Variants in C1QTNF3 observed in about 807,000 individuals in gnomAD.
The protein encoded by C1QTNF3 is C1q and TNF related 3.
In C1QTNF3, 26 loss-of-function variants were observed where a neutral mutation model predicts 32.6. The observed-to-expected ratio is 0.80, with a 90% CI of 0.58 to 1.11. The LOEUF is 1.11. Ranked by LOEUF, C1QTNF3 falls within the 50% of genes least tolerant of loss-of-function variation. The pLI, the probability that C1QTNF3 is intolerant of heterozygous loss-of-function variation, is 0.00. For synonymous variants in C1QTNF3, 155 were observed against 146.0 expected, an observed-to-expected ratio of 1.06 and a Z score of -0.44; for missense variants, 362 against 398.2, an observed-to-expected ratio of 0.91 and a Z score of 0.77.
At chr5:34,044,437 C>T (rs1451856161), upstream of C1QTNF3, among the ~76,000 whole-genome samples, 1 of 152,152 alleles carries the variant, frequency 6.6e-6, no homozygotes, top group African/African-American at 2.4e-5. Context: ...CTGTGGGAAA[C>T]TGAGGCTTGG....
At chr5:34,177,769 C>A in the C1QTNF3 span, among the ~76,000 whole-genome samples, 1 of 151,776 alleles carries the variant, frequency 6.6e-6, no homozygotes, top group African/African-American at 2.4e-5. Flanking sequence ...TTACAGGCGT[C>A]AGCCACTGCA....
the C1QTNF3 span, among the ~76,000 whole-genome samples, chr5:34,147,946 G>A: frequency 2.6e-5 from 4 of 152,094 alleles, no homozygotes; most frequent in South Asian, 2.1e-4. Context: ...CTGAGGTACC[G>A]GGTTCATCTC....
Position 34,035,702 on chromosome 5 carries a change from G to A in C1QTNF3, c.360C>T (p.Tyr120=), listed in dbSNP as rs1331769673. The change falls in exon 2 of 6, where the codon TAC becomes TAT. Residue 120 remains tyrosine (Y), a synonymous_variant. Coordinates refer to ENST00000382065, the MANE Select transcript of C1QTNF3 (RefSeq NM_181435.6). ...PDCSKCCHGD[Y]SFRGYQGPPG... Reference sequence around the variant, plus strand: ...GGGGGCCTTGGTAGCCTCGAAAGCTGTAGTCTCCATGACAACACTTACTGC... The same window carrying A: ...GGGGGCCTTGGTAGCCTCGAAAGCTATAGTCTCCATGACAACACTTACTGC... The A allele has an allele frequency of 6.2e-7, 1 of 1,612,306 alleles. No individual in the cohort carries two copies. Among genetic ancestry groups the A allele is most frequent in the Non-Finnish European group, 8.5e-7 (1 of 1,179,522 alleles).
chr5:34,054,868 T>C, the C1QTNF3 span, among the ~76,000 whole-genome samples: 3 of 152,222 alleles, frequency 2.0e-5, no homozygotes, highest in Admixed American at 6.5e-5. Context: ...CTTTTCCTTT[T>C]TGATTATCAT....
the C1QTNF3 span, among the ~76,000 whole-genome samples, chr5:34,108,278 G>C: frequency 1.3e-5 from 2 of 151,992 alleles, no homozygotes; most frequent in Non-Finnish European, 2.9e-5. Context: ...CCACATACAA[G>C]TGAAGTTCTT....
At chr5:34,176,469 A>T in the C1QTNF3 span, among the ~76,000 whole-genome samples, 1 of 151,336 alleles carries the variant, frequency 6.6e-6, no homozygotes, top group Non-Finnish European at 1.5e-5. Flanking sequence ...AAGGAGGTTT[A>T]AAAAAAAACA....
Position 34,030,798 on chromosome 5 carries a change from G to A in C1QTNF3, c.571-1915C>T, listed in dbSNP as rs543646288. Among the ~76,000 whole-genome samples, 15 of 152,182 alleles carry A rather than the reference G, an allele frequency of 9.9e-5. No homozygotes were observed. The East Asian group carries it at 2.3e-3, about 24-fold the overall frequency. Reference sequence around the variant, plus strand: ...TCCCTTGCAGGAACATGGATGGAACGGGAGGCCATTATCCTTAGCAAACTA... The same window carrying A: ...TCCCTTGCAGGAACATGGATGGAACAGGAGGCCATTATCCTTAGCAAACTA... On this transcript the variant is annotated intron_variant, in intron 3 of 5. Transcript: ENST00000382065.
chr5:34,158,960 A>G, the C1QTNF3 span, among the ~76,000 whole-genome samples: 1 of 151,918 alleles, frequency 6.6e-6, no homozygotes, highest in Admixed American at 6.6e-5. Context: ...ACACACAAAC[A>G]ATCATATATA....
At chr5:34,201,872 T>C in the C1QTNF3 span, among the ~76,000 whole-genome samples, 4 of 152,224 alleles carry the variant, frequency 2.6e-5, no homozygotes, top group Admixed American at 1.3e-4. Context: ...TTTTGAGTTC[T>C]TGAATTCAAA....
the C1QTNF3 span, among the ~76,000 whole-genome samples, chr5:34,057,639 T>C: frequency 6.6e-6 from 1 of 152,236 alleles, no homozygotes; most frequent in Non-Finnish European, 1.5e-5. Context: ...TAATGTATTT[T>C]CTAATTTCTT....
chr5:34,213,692 G>GTATATATATA, the C1QTNF3 span, among the ~76,000 whole-genome samples: 63 of 100,886 alleles, frequency 6.2e-4, 1 homozygote, highest in African/African-American at 2.3e-3. Context: ...TGTTGTGTGT[G>GTATATATATA]TGTATATATA....
intron 3 of C1QTNF3, 166 bp from the exon 4 acceptor site, chr5:34,029,049 C>G: frequency 2.0e-6 from 1 of 493,638 alleles, no homozygotes; most frequent in Non-Finnish European, 3.5e-6. Flanking sequence ...CATTTGAATG[C>G]TATGCAGCCA....
the C1QTNF3 span, among the ~76,000 whole-genome samples, chr5:34,112,566 A>G: frequency 6.6e-6 from 1 of 151,968 alleles, no homozygotes; most frequent in Admixed American, 6.6e-5. Flanking sequence ...CTACTTGGGA[A>G]GCTGAGGTGG....
the C1QTNF3 span, among the ~76,000 whole-genome samples, chr5:34,136,484 A>T: frequency 7.9e-5 from 12 of 152,336 alleles, no homozygotes; most frequent in South Asian, 2.5e-3. Context: ...GGCAATCATT[A>T]ATAAGTCAGG....
chr5:34,043,025 T>G lies in C1QTNF3; in HGVS notation c.101A>C (p.Asn34Thr). Residue 34 changes from asparagine to threonine, a missense_variant, in exon 1 of 6, where the codon AAT (asparagine) becomes ACT (threonine). By Grantham distance (65) the Asn-to-Thr change is moderately conservative. Transcript: ENST00000382065. ...DEYMEVSGRT[N>T]KVVARIVQSH... is the part of the protein sequence containing the mutation. The stretch of plus-strand genomic sequence containing the variant: ...TTGCACTATTCTTGCCACCACTTTA[T>G]TAGTTCTTCCGCTCACCTCCATGTA... 1 of 1,614,198 alleles carries G rather than the reference T, an allele frequency of 6.2e-7. No homozygotes were observed.
the C1QTNF3 span, among the ~76,000 whole-genome samples, chr5:34,160,448 T>A: frequency 2.0e-5 from 3 of 152,180 alleles, no homozygotes; most frequent in Non-Finnish European, 2.9e-5. Context: ...CAATTCTCTG[T>A]GCCTGAATAT....
At chr5:34,069,364 T>C in the C1QTNF3 span, among the ~76,000 whole-genome samples, 4 of 152,004 alleles carry the variant, frequency 2.6e-5, no homozygotes, top group Admixed American at 2.6e-4. Flanking sequence ...TTTATTTATT[T>C]ATTATCTGTA....
chr5:34,066,000 TA>T, the C1QTNF3 span, among the ~76,000 whole-genome samples: 1,879 of 152,280 alleles, frequency 0.012, 41 homozygotes, highest in African/African-American at 0.043. Context: ...TATGCAGCCA[TA>T]AAAAAAGAAT....
chr5:34,178,369 T>A, the C1QTNF3 span, among the ~76,000 whole-genome samples: 1 of 149,196 alleles, frequency 6.7e-6, no homozygotes, highest in Non-Finnish European at 1.5e-5. Context: ...CTTGACTAGT[T>A]TGCAGAAGTG....
Sources: allele counts gnomAD v4.1 joint callset (sites outside exome capture counted in the v4.1 genomes callset), GRCh38; gene constraint gnomAD v4.1.1; transcripts MANE v1.5; gene names NCBI Gene and HGNC (gene_info 2026-07-23, HGNC 2026-07-21).